The following PEBP1 variants were observed in gnomAD, a reference collection of about 807,000 sequenced individuals.
The protein encoded by PEBP1 is phosphatidylethanolamine binding protein 1.
PEBP1 carries 17 observed loss-of-function variants against 22.7 expected under a neutral mutation model. The observed-to-expected ratio is 0.75, with a 90% confidence interval of 0.51 to 1.12. PEBP1 has a LOEUF of 1.12. Ranked by LOEUF, PEBP1 falls within the 50% of genes most tolerant of loss-of-function variation. The pLI, the probability that PEBP1 is intolerant of heterozygous loss-of-function variation, is 0.00. For synonymous variants in PEBP1, 106 were observed against 104.3 expected (o/e 1.02, Z -0.10); for missense variants, 205 against 243.5 (o/e 0.84, Z 1.05).
At chr12:118,143,590 C>T (rs2034131421) in intron 3 of PEBP1, among the ~76,000 whole-genome samples, 1 of 152,268 alleles carries the variant, frequency 6.6e-6, no homozygotes, top group Middle Eastern at 3.4e-3. Context: ...AATATTTAAA[C>T]AACTTTTTAA....
At chr12:118,142,826 C>CTTTGTTTTTTTT (rs1566200761) in intron 3 of PEBP1, among the ~76,000 whole-genome samples, 1 of 93,650 alleles carries the variant, frequency 1.1e-5, no homozygotes, top group South Asian at 4.3e-4. Context: ...ACTACATTCA[C>CTTTGTTTTTTTT]TTTTTTTTTT....
chr12:118,144,759 G>A lies in PEBP1; in HGVS notation c.520G>A (p.Asp174Asn). The A allele has an allele frequency of 5.6e-6, 9 of 1,614,162 alleles. No individual in the cohort carries two copies. Among genetic ancestry groups the A allele is most frequent in the Non-Finnish European group, 7.6e-6 (9 of 1,180,032 alleles). Reference protein sequence around the residue: ...VAGTCYQAEWDDYVPKLYEQL... With the variant: ...VAGTCYQAEWNDYVPKLYEQL... ...TGGCACGTGTTACCAGGCCGAGTGG[G>A]ATGACTATGTGCCCAAACTGTACGA... is the stretch of plus-strand genomic sequence containing the variant. The change falls in exon 4 of 4, where the codon GAT becomes AAT. Residue 174 changes from aspartate to asparagine, a missense_variant. Asp to Asn is a conservative substitution (Grantham distance 23). Coordinates refer to ENST00000261313, the MANE Select transcript of PEBP1 (RefSeq NM_002567.4).
At chr12:118,143,647 C>T (rs971382783) in intron 3 of PEBP1, among the ~76,000 whole-genome samples, 4 of 152,130 alleles carry the variant, frequency 2.6e-5, no homozygotes, top group Non-Finnish European at 5.9e-5. Flanking sequence ...CAGCTGTAAT[C>T]CCAGCACTTT....
chr12:118,139,069 C>T, intron 2 of PEBP1: 1 of 234,784 alleles, frequency 4.3e-6, no homozygotes, highest in Non-Finnish European at 8.5e-6. Context: ...AATTCCAGCA[C>T]TTTGGGAGGC....
chr12:118,137,513 T>G (rs1643496259), intron 1 of PEBP1, among the ~76,000 whole-genome samples: 1 of 152,068 alleles, frequency 6.6e-6, no homozygotes, highest in African/African-American at 2.4e-5. Context: ...CTTGATAGCG[T>G]CACTACACTC....
intron 3 of PEBP1, among the ~76,000 whole-genome samples, chr12:118,141,320 T>C (rs1377144916): frequency 6.6e-6 from 1 of 152,142 alleles, no homozygotes; most frequent in Non-Finnish European, 1.5e-5. Context: ...TTTCACCATG[T>C]TGGCCAGGCT....
Position 118,144,922 on chromosome 12 carries a change from C to G in PEBP1, c.*119C>G. On this transcript the variant is annotated 3_prime_UTR_variant, in exon 4 of 4. Transcript: ENST00000261313. ...CCCCCTTGGCATGGGTGAGACCTGA[C>G]CAGTCAGATGGTAGTTGAGGGTGAC... is the stretch of plus-strand genomic sequence containing the variant. 1.9e-6 allele frequency: 3 copies of G among 1,563,808 alleles called. No individual in the cohort carries two copies. The highest frequency in any genetic ancestry group is 2.6e-6 in the Non-Finnish European group (3 of 1,161,276).
chr12:118,143,983 T>G (rs187057894), intron 3 of PEBP1, among the ~76,000 whole-genome samples: 14 of 152,202 alleles, frequency 9.2e-5, no homozygotes, highest in Admixed American at 8.5e-4. Context: ...TCATTGAAGC[T>G]TGTAGAAAGC....
intron 3 of PEBP1, among the ~76,000 whole-genome samples, chr12:118,143,450 A>G (rs904951448): frequency 1.9e-4 from 29 of 152,232 alleles, no homozygotes; most frequent in African/African-American, 6.3e-4. Context: ...AAGAAAAAAT[A>G]AAAGGCTGGA....
rs1417373205 is a variant in PEBP1 at position 118,136,227 on chromosome 12, C to T, written c.18C>T (p.Ser6=). MPVDL[S]KWSGPLSLQE... ...GCCTCGCCATGCCGGTGGACCTCAG[C>T]AAGTGGTCCGGGCCCTTGAGCCTGC... The change falls in exon 1 of 4, where the codon AGC becomes AGT. Residue 6 remains serine (S), a synonymous_variant. Coordinates refer to ENST00000261313, the MANE Select transcript of PEBP1 (RefSeq NM_002567.4). The surrounding 1 kb of genome is among the most constrained non-coding windows in gnomAD (Gnocchi z 5.6). 3 of 1,546,660 alleles carry T rather than the reference C, an allele frequency of 1.9e-6. No individual in the cohort carries two copies. The highest frequency in any genetic ancestry group is 2.4e-5 in the East Asian group (1 of 40,872).
At chr12:118,143,152 A>C (rs2034128313) in intron 3 of PEBP1, among the ~76,000 whole-genome samples, 1 of 152,072 alleles carries the variant, frequency 6.6e-6, no homozygotes, top group South Asian at 2.1e-4. Flanking sequence ...ATGCCCGACC[A>C]CTACATTCAC....
At chr12:118,139,732 C>G (rs1242956285) in intron 3 of PEBP1, among the ~76,000 whole-genome samples, 181 bp downstream of exon 3, 1 of 152,130 alleles carries the variant, frequency 6.6e-6, no homozygotes, top group Non-Finnish European at 1.5e-5. Context: ...GTGGCTAGAG[C>G]CTTGGGTTCT....
At chr12:118,140,565 A>C (rs757258729) in intron 3 of PEBP1, among the ~76,000 whole-genome samples, 108 of 151,046 alleles carry the variant, frequency 7.2e-4, no homozygotes, top group Non-Finnish European at 2.2e-4. Flanking sequence ...TTTGAGATGG[A>C]GTCTTGCTCT....
chr12:118,138,269 G>A, intron 2 of PEBP1, 121 bp downstream of exon 2: 2 of 700,114 alleles, frequency 2.9e-6, no homozygotes, highest in East Asian at 5.4e-5. Flanking sequence ...GCTTAAGCCA[G>A]AGAGTGCCTT....
Position 118,136,396 on chromosome 12 carries a change from C to G in PEBP1, c.135+52C>G. On this transcript the variant is annotated intron_variant, in intron 1 of 3. Coordinates refer to ENST00000261313, the MANE Select transcript of PEBP1 (RefSeq NM_002567.4). This position sits in a 1 kb window ranked among gnomAD's most constrained non-coding sequence, Gnocchi z 5.6. ...AGCGGCACGGCGCGGAGGCCTGTGCCGGCCTCCTGGGTGGGACCCAGCGGA... is the reference window on the plus strand; with the variant it reads ...AGCGGCACGGCGCGGAGGCCTGTGCGGGCCTCCTGGGTGGGACCCAGCGGA... 1 of 1,506,030 alleles carries G rather than the reference C, an allele frequency of 6.6e-7. No homozygotes were observed. Among genetic ancestry groups the G allele is most frequent in the Non-Finnish European group, 8.8e-7 (1 of 1,133,028 alleles). The allele number at this position is 1,506,030 out of a possible 1,614,324, so 93.3% of individuals were successfully genotyped here.
intron 3 of PEBP1, among the ~76,000 whole-genome samples, chr12:118,141,805 T>C (rs771806636): frequency 6.6e-6 from 1 of 152,202 alleles, no homozygotes; most frequent in Non-Finnish European, 1.5e-5. Flanking sequence ...CCAGATAATA[T>C]CTGTGAGATT....
chr12:118,140,629 C>T (rs1235763256), intron 3 of PEBP1, among the ~76,000 whole-genome samples: 1 of 151,792 alleles, frequency 6.6e-6, no homozygotes, highest in Non-Finnish European at 1.5e-5. Flanking sequence ...AGCTCCACCT[C>T]CCCGGTTCAT....
Position 118,139,512 on chromosome 12 carries a change from C to T in PEBP1, c.307C>T (p.Leu103Phe). The change falls in exon 3 of 4, where the codon CTC (leucine) becomes TTC (phenylalanine). Residue 103 changes from leucine to phenylalanine, a missense_variant. Leu to Phe is a conservative substitution (Grantham distance 22). Transcript: ENST00000261313. ...KGNDISSGTV[L>F]SDYVGSGPPK... ...CAATGACATCAGCAGTGGCACAGTCCTCTCCGATTATGTGGGCTCGGGGCC... is the reference window on the plus strand; with the variant it reads ...CAATGACATCAGCAGTGGCACAGTCTTCTCCGATTATGTGGGCTCGGGGCC... The T allele has an allele frequency of 1.9e-6, 3 of 1,613,536 alleles. No homozygotes were observed. Among genetic ancestry groups the T allele is most frequent in the Admixed American group, 1.7e-5 (1 of 59,982 alleles).
intron 3 of PEBP1, among the ~76,000 whole-genome samples, chr12:118,140,346 A>G (rs529098025): frequency 6.6e-6 from 1 of 152,306 alleles, no homozygotes; most frequent in African/African-American, 2.4e-5. Context: ...ACAGTTGGTC[A>G]TGGGCTCATG....
Sources: allele counts gnomAD v4.1 joint callset (sites outside exome capture counted in the v4.1 genomes callset), GRCh38; gene constraint gnomAD v4.1.1; non-coding constraint Gnocchi (gnomAD v3.1); transcripts MANE v1.5; gene names NCBI Gene and HGNC (gene_info 2026-07-23, HGNC 2026-07-21).